The following QPCTL variants were observed in gnomAD, a reference collection of about 807,000 sequenced individuals.
QPCTL encodes the protein glutaminyl-peptide cyclotransferase-like protein.
Under a neutral mutation model 34.6 loss-of-function variants are expected in QPCTL, and 31 were observed. The observed-to-expected ratio is 0.90, with a 90% CI of 0.67 to 1.21. The LOEUF is 1.21. Ranked by LOEUF, QPCTL falls within the 50% of genes most tolerant of loss-of-function variation. QPCTL has a pLI of 0.00. For missense variants in QPCTL, 474 were observed against 507.8 expected (o/e 0.93, Z 0.64); for synonymous variants, 223 against 226.9 (o/e 0.98, Z 0.15).
In QPCTL at chr19:45,698,814, T is replaced by C. The variant is rs764591746; in HGVS notation, c.800T>C (p.Leu267Pro). ...CTTTCTCCTTAGGAGCTCTTTATGC[T>C]TCTTGATCTCCTGGGAGCCCCCAAT... ...TRIQAIELFM[L>P]LDLLGAPNPT... Residue 267 changes from leucine to proline, a missense_variant, in exon 5 of 7, where the codon CTT becomes CCT. Physicochemically the swap from Leu to Pro is moderately conservative, Grantham distance 98. Coordinates refer to ENST00000012049, the MANE Select transcript of QPCTL (RefSeq NM_017659.4). 4 of 1,613,912 alleles carry C rather than the reference T, an allele frequency of 2.5e-6. No homozygotes were observed. In the East Asian group the frequency reaches 6.7e-5, roughly 27 times the overall value.
At chr19:45,693,023 G>A in intron 1 of QPCTL, 113 bp downstream of exon 1, 1 of 1,129,342 alleles carries the variant, frequency 8.9e-7, no homozygotes, top group Non-Finnish European at 1.2e-6. Flanking sequence ...CACCGTCTTC[G>A]TCATCTGAGC....
At position 45,698,573 on chromosome 19, in the gene QPCTL, C is replaced by T. The variant is rs1967747217; in HGVS notation, c.660C>T (p.Leu220=). 3.1e-6 allele frequency: 5 copies of T among 1,614,016 alleles called. No homozygotes were observed. The highest frequency in any genetic ancestry group is 4.2e-6 in the Non-Finnish European group (5 of 1,180,028). ...KQAAPVTLQL[L]FLDGEEALKE... is the part of the protein sequence containing the mutation. ...CAGCCCCGGTGACCCTGCAACTGCT[C>T]TTCTTGGATGGTGAAGAGGCGCTGA... The change falls in exon 4 of 7, where the codon CTC becomes CTT. Residue 220 remains leucine, a synonymous_variant. Transcript: ENST00000012049.
In QPCTL at chr19:45,693,540, A is replaced by G; in HGVS notation, c.335A>G (p.Asn112Ser). 6.2e-7 allele frequency: 1 copy of G among 1,612,042 alleles called. No homozygotes were observed. Residue 112 changes from asparagine to serine, a missense_variant, in exon 2 of 7, where the codon AAT (asparagine) becomes AGT (serine). Transcript: ENST00000012049. ...LVVRTPGSPGNLQVRKFLEAT... is the reference protein window; with the variant it reads ...LVVRTPGSPGSLQVRKFLEAT... The stretch of plus-strand genomic sequence containing the variant: ...GTGCGAACCCCGGGCAGCCCGGGAA[A>G]TCTCCAAGTCAGAAAGGTAAAGGGA...
At chr19:45,693,623 T>C (rs1304775429) in intron 2 of QPCTL, 67 bp downstream of exon 2, 1 of 1,510,976 alleles carries the variant, frequency 6.6e-7, no homozygotes, top group Non-Finnish European at 8.9e-7. Context: ...AGAATCCTGT[T>C]CAAGATCCCA....
chr19:45,698,603 G>A lies in QPCTL; in HGVS notation c.690G>A (p.Glu230=), dbSNP rs1348136391. 2.5e-6 allele frequency: 4 copies of A among 1,614,052 alleles called. No individual in the cohort carries two copies. Among genetic ancestry groups the A allele is most frequent in the East Asian group, 2.2e-5 (1 of 44,896 alleles). The change falls in exon 4 of 7, where the codon GAG becomes GAA. Residue 230 remains glutamate, a synonymous_variant. Coordinates refer to ENST00000012049, the MANE Select transcript of QPCTL (RefSeq NM_017659.4). ...TGGATGGTGAAGAGGCGCTGAAGGA[G>A]TGGGGACCCAAGGACTCCCTTTACG... The part of the protein sequence containing the change: ...LFLDGEEALK[E]WGPKDSLYGS...
At chr19:45,695,337 A>C (rs1278871038) in intron 2 of QPCTL, 100 bp from the exon 3 acceptor site, 3 of 1,064,606 alleles carry the variant, frequency 2.8e-6, no homozygotes, top group Non-Finnish European at 4.1e-6. Flanking sequence ...GTGGGGCTTT[A>C]GTGTCAACCC....
At position 45,692,669 on chromosome 19, in the gene QPCTL, C is replaced by A; in HGVS notation, c.-35C>A. The stretch of plus-strand genomic sequence containing the variant: ...GAACTTGGCTGGGCCTAAACTCAAT[C>A]CGTGGTCTGGTACAGGTTTCAGGGC... On this transcript the variant is annotated 5_prime_UTR_variant, in exon 1 of 7. Coordinates refer to ENST00000012049, the MANE Select transcript of QPCTL (RefSeq NM_017659.4). 6.8e-7 allele frequency: 1 copy of A among 1,462,068 alleles called. No individual in the cohort carries two copies. The allele number at this position is 1,462,068 out of a possible 1,614,324, so 90.6% of individuals were successfully genotyped here.
Position 45,703,971 on chromosome 19 carries a change from T to A in QPCTL, c.*922T>A, listed in dbSNP as rs1901087198. 6.6e-6 allele frequency: 1 copy of A among 150,386 alleles called. No individual in the cohort carries two copies. Among genetic ancestry groups the A allele is most frequent in the Non-Finnish European group, 1.5e-5 (1 of 67,600 alleles). The allele number at this position is 150,386 out of a possible 1,614,324, so 9.3% of individuals were successfully genotyped here. A position where few individuals can be genotyped will look rare whatever the true frequency, so the allele number is the denominator to read the frequency against. On this transcript the variant is annotated 3_prime_UTR_variant, in exon 7 of 7. Transcript: ENST00000012049. ...CCATCTCAATAAATAAATAAATAAA[T>A]AAATATTTTTTAAAAAGAGTAAAAG...
rs1459279211 is a variant in QPCTL at position 45,702,912 on chromosome 19, G to A, written c.1012G>A (p.Val338Met). Residue 338 changes from valine (V) to methionine (M), a missense_variant, in exon 7 of 7, where the codon GTG becomes ATG. Transcript: ENST00000012049. ...CTCCTCTGTCACTTCAGGGGTACCC[G>A]TGCTCCATCTCATCTCCACGCCCTT... is the stretch of plus-strand genomic sequence containing the variant. ...HIPFLRRGVP[V>M]LHLISTPFPA... The A allele has an allele frequency of 7.4e-6, 12 of 1,613,990 alleles. No homozygotes were observed. Among genetic ancestry groups the A allele is most frequent in the Non-Finnish European group, 9.3e-6 (11 of 1,180,028 alleles).
At chr19:45,697,804 G>A (rs566434904) in intron 3 of QPCTL, among the ~76,000 whole-genome samples, 1 of 152,230 alleles carries the variant, frequency 6.6e-6, no homozygotes, top group Admixed American at 6.5e-5. Context: ...TGTCTCAACT[G>A]CATTTCACTG....
At chr19:45,695,771 C>T in intron 3 of QPCTL, 53 bp downstream of exon 3, 1 of 1,499,050 alleles carries the variant, frequency 6.7e-7, no homozygotes, top group African/African-American at 1.4e-5. Context: ...TTTTCCCAAG[C>T]CCCCACCCTC....
rs778111999 is a variant in QPCTL at position 45,703,089 on chromosome 19, A to T, written c.*40A>T. On this transcript the variant is annotated 3_prime_UTR_variant, in exon 7 of 7. Transcript: ENST00000012049. ...GACTGTGGAGAGGACTGTGAGAGAG[A>T]AGGTCCCAGCGGGGGCCAGTGAAGC... 4 of 1,612,694 alleles carry T rather than the reference A, an allele frequency of 2.5e-6. No individual in the cohort carries two copies. In the Admixed American group the frequency reaches 6.7e-5, roughly 27 times the overall value.
At position 45,701,910 on chromosome 19, in the gene QPCTL, C is replaced by A; in HGVS notation, c.999C>A (p.Arg333=). The stretch of plus-strand genomic sequence containing the variant: ...AAGACGACCACATCCCCTTCCTCCG[C>A]AGAGGTACCAGCTGCAGGGAGGGAT... ...SVEDDHIPFL[R]RGVPVLHLIS... Residue 333 remains arginine (R), a synonymous_variant, in exon 6 of 7, where the codon CGC becomes CGA. Coordinates refer to ENST00000012049, the MANE Select transcript of QPCTL (RefSeq NM_017659.4). 6.2e-7 allele frequency: 1 copy of A among 1,608,596 alleles called. No homozygotes were observed. Among genetic ancestry groups the A allele is most frequent in the Non-Finnish European group, 8.5e-7 (1 of 1,175,380 alleles).
In QPCTL at chr19:45,703,156, A is replaced by T. The variant is rs1967842498; in HGVS notation, c.*107A>T. 2 of 1,384,522 alleles carry T rather than the reference A, an allele frequency of 1.4e-6. No individual in the cohort carries two copies. The highest frequency in any genetic ancestry group is 2.0e-6 in the Non-Finnish European group (2 of 1,003,632). The allele number at this position is 1,384,522 out of a possible 1,614,324, so 85.8% of individuals were successfully genotyped here. A position where few individuals can be genotyped will look rare whatever the true frequency, so the allele number is the denominator to read the frequency against. On this transcript the variant is annotated 3_prime_UTR_variant, in exon 7 of 7. Coordinates refer to ENST00000012049, the MANE Select transcript of QPCTL (RefSeq NM_017659.4). ...TAGGGTGTGCTGGTTTGTCCTTTTC[A>T]TACCTTTGTCTCCTAATTGTGCTAC...
At chr19:45,698,264 C>CAA (rs368157900) in intron 3 of QPCTL, among the ~76,000 whole-genome samples, 2 of 144,802 alleles carry the variant, frequency 1.4e-5, no homozygotes, top group Non-Finnish European at 3.0e-5. Context: ...AAACAAAAAA[C>CAA]AAAAAAAAAA....
chr19:45,698,741 G>A (rs918187808), intron 4 of QPCTL, 42 bp downstream of exon 4: 4 of 1,613,642 alleles, frequency 2.5e-6, no homozygotes, highest in Admixed American at 1.7e-5. Context: ...GGAGGGAGCA[G>A]GTTAAGCAGG....
At position 45,693,534 on chromosome 19, in the gene QPCTL, C is replaced by T. The variant is rs761351952; in HGVS notation, c.329C>T (p.Pro110Leu). The change falls in exon 2 of 7, where the codon CCG (proline) becomes CTG (leucine). Residue 110 changes from proline to leucine, a missense_variant. Coordinates refer to ENST00000012049, the MANE Select transcript of QPCTL (RefSeq NM_017659.4). The stretch of plus-strand genomic sequence containing the variant: ...CTGGTTGTGCGAACCCCGGGCAGCC[C>T]GGGAAATCTCCAAGTCAGAAAGGTA... ...PLLVVRTPGS[P>L]GNLQVRKFLE... The T allele has an allele frequency of 5.6e-6, 9 of 1,611,928 alleles. No individual in the cohort carries two copies. The highest frequency in any genetic ancestry group is 1.7e-4 in the Middle Eastern group (1 of 6,054).
rs752660949 is a variant in QPCTL, at chr19:45,698,937, G to A, written c.886+37G>A. The A allele has an allele frequency of 2.5e-6, 4 of 1,569,236 alleles. No individual in the cohort carries two copies. The African/African-American group carries it at 4.1e-5, about 16-fold the overall frequency. On this transcript the variant is annotated intron_variant, in intron 5 of 6. Transcript: ENST00000012049. ...TGCGGAGGTGGGCCCCAGCCCACCTGGGGTATGGGGTACAGGGCGGTGGGC... is the reference window on the plus strand; with the variant it reads ...TGCGGAGGTGGGCCCCAGCCCACCTAGGGTATGGGGTACAGGGCGGTGGGC...
intron 3 of QPCTL, among the ~76,000 whole-genome samples, chr19:45,696,903 AT>A (rs1010358954): frequency 1.3e-5 from 2 of 149,214 alleles, no homozygotes; most frequent in Non-Finnish European, 3.0e-5. Context: ...CAGGCAGATC[AT>A]TTGAGGTCAG....
Sources: gnomAD v4.1 joint callset for allele counts (sites outside exome capture counted in the v4.1 genomes callset) on GRCh38, gnomAD v4.1.1 for gene constraint, MANE v1.5 for transcripts, NCBI Gene and HGNC (gene_info 2026-07-23, HGNC 2026-07-21) for gene names.